SLC23A2: variants seen among roughly 807,000 people sequenced by gnomAD.
SLC23A2 encodes the protein solute carrier family 23 member 2.
A neutral mutation model predicts 73.3 loss-of-function variants in SLC23A2; 36 were observed. That is an observed-to-expected ratio of 0.49 (90% confidence interval 0.38 to 0.65). The LOEUF is 0.65. Among genes scored for constraint, SLC23A2 ranks in the 30% least tolerant of loss-of-function variants. The probability of loss-of-function intolerance (pLI) is 0.00; values close to 1 mark genes in which losing one functional copy is unlikely to be tolerated. For missense variants in SLC23A2, 507 were observed against 841.6 expected (o/e 0.60, Z 4.92); for synonymous variants, 343 against 327.3 (o/e 1.05, Z -0.52).
At chr20:4,858,902 C>A (rs1179708898) in intron 16 of SLC23A2, among the ~76,000 whole-genome samples, 2 of 152,108 alleles carry the variant, frequency 1.3e-5, no homozygotes, top group Non-Finnish European at 2.9e-5. Flanking sequence ...GGGACAGTCT[C>A]CCCAAGCAGA....
chr20:4,987,983 C>T (rs982218882), intron 1 of SLC23A2, among the ~76,000 whole-genome samples: 5 of 149,426 alleles, frequency 3.3e-5, no homozygotes, highest in Non-Finnish European at 5.9e-5. Context: ...TCTGCAAGTA[C>T]TCCACGATGC....
intron 9 of SLC23A2, among the ~76,000 whole-genome samples, chr20:4,880,166 G>A (rs185540646): frequency 2.6e-5 from 4 of 152,314 alleles, no homozygotes; most frequent in East Asian, 3.9e-4. Flanking sequence ...AGAATTTGCC[G>A]CTAAGATTGG....
At chr20:4,922,694 C>T (rs541227453) in intron 3 of SLC23A2, among the ~76,000 whole-genome samples, 23 of 152,054 alleles carry the variant, frequency 1.5e-4, no homozygotes, top group Non-Finnish European at 2.6e-4. Context: ...TGGGCATGGT[C>T]GTGCATGCCT....
In SLC23A2 at chr20:4,975,617, G is replaced by A. The variant is rs760627500; in HGVS notation, c.-281-4698C>T. Among the ~76,000 whole-genome samples the A allele has an allele frequency of 3.6e-4, 55 of 151,764 alleles. 1 individual carries two copies. Among genetic ancestry groups the A allele is most frequent in the Non-Finnish European group, 6.6e-4 (45 of 67,970 alleles). ...GCTGGTCTCAAACTCCTGACCTCAA[G>A]TGATCCACCTGTCTTGGCCTCCCAA... On this transcript the variant is annotated intron_variant, in intron 1 of 16. Transcript: ENST00000338244.
intron 1 of SLC23A2, among the ~76,000 whole-genome samples, chr20:5,000,139 C>T (rs546155817): frequency 6.6e-6 from 1 of 152,058 alleles, no homozygotes; most frequent in Non-Finnish European, 1.5e-5. Context: ...CCAACCATAA[C>T]CCAGCACAGA....
Position 4,902,310 on chromosome 20 carries a change from C to T in SLC23A2, c.324+132G>A. The T allele has an allele frequency of 1.7e-6, 1 of 582,520 alleles. No homozygotes were observed. Among genetic ancestry groups the T allele is most frequent in the Non-Finnish European group, 3.0e-6 (1 of 329,236 alleles). The allele number at this position is 582,520 out of a possible 1,614,324, so 36.1% of individuals were successfully genotyped here. A position where few individuals can be genotyped will look rare whatever the true frequency, so the allele number is the denominator to read the frequency against. On this transcript the variant is annotated intron_variant, in intron 5 of 16. Coordinates refer to ENST00000338244, the MANE Select transcript of SLC23A2 (RefSeq NM_005116.6). The surrounding 1 kb of genome is among the most constrained non-coding windows in gnomAD (Gnocchi z 4.0). ...TCAGCCACTGTGCTCAGCCCCTACTCATCACTCTTAAAAGAGGAATTTATA... is the reference window on the plus strand; with the variant it reads ...TCAGCCACTGTGCTCAGCCCCTACTTATCACTCTTAAAAGAGGAATTTATA...
intron 2 of SLC23A2, among the ~76,000 whole-genome samples, chr20:4,954,698 C>CAAAA (rs200579910): frequency 2.3e-3 from 122 of 52,760 alleles, no homozygotes; most frequent in Non-Finnish European, 3.6e-3. Flanking sequence ...GACTCCATCA[C>CAAAA]AAAAAAAAAA....
chr20:4,943,507 A>G (rs547281417), intron 2 of SLC23A2, among the ~76,000 whole-genome samples: 3 of 100,490 alleles, frequency 3.0e-5, no homozygotes, highest in African/African-American at 2.7e-4. Context: ...ATTTCTACCA[A>G]AAAAAAAAAA....
At chr20:4,974,830 T>C (rs1453765856) in intron 1 of SLC23A2, among the ~76,000 whole-genome samples, 2 of 152,172 alleles carry the variant, frequency 1.3e-5, no homozygotes, top group Non-Finnish European at 2.9e-5. Context: ...CTCTGTCACC[T>C]AGGCTGGAGT....
intron 2 of SLC23A2, among the ~76,000 whole-genome samples, chr20:4,970,445 A>G (rs1245888058): frequency 6.6e-6 from 1 of 152,220 alleles, no homozygotes; most frequent in African/African-American, 2.4e-5. Flanking sequence ...ACCATGAAGC[A>G]TAACTAGCCA....
chr20:4,895,757 C>T (rs938917405), intron 6 of SLC23A2, among the ~76,000 whole-genome samples: 1 of 152,198 alleles, frequency 6.6e-6, no homozygotes. Context: ...CTTGCAATGG[C>T]CATGCGTCCA....
At chr20:5,004,611 C>T (rs2088169317), upstream of SLC23A2, among the ~76,000 whole-genome samples, 1 of 152,070 alleles carries the variant, frequency 6.6e-6, no homozygotes, top group Non-Finnish European at 1.5e-5. Flanking sequence ...TTTGGGAGAC[C>T]AAGGCAGGAG....
intron 9 of SLC23A2, among the ~76,000 whole-genome samples, chr20:4,879,055 G>A (rs1396926624): frequency 6.6e-6 from 1 of 152,144 alleles, no homozygotes; most frequent in East Asian, 1.9e-4. Flanking sequence ...TCAAAAGGCA[G>A]GACTGATTTG....
At chr20:4,916,918 T>C (rs1932343941) in intron 3 of SLC23A2, among the ~76,000 whole-genome samples, 1 of 152,154 alleles carries the variant, frequency 6.6e-6, no homozygotes, top group Admixed American at 6.6e-5. Context: ...AAGCTATGAA[T>C]TGCCAGTAGG....
chr20:4,994,049 C>T (rs1478217773), intron 1 of SLC23A2, among the ~76,000 whole-genome samples: 2 of 152,152 alleles, frequency 1.3e-5, no homozygotes, highest in African/African-American at 4.8e-5. Context: ...AGAGATCTCA[C>T]CACTGCACTC....
intron 2 of SLC23A2, among the ~76,000 whole-genome samples, chr20:4,940,695 G>A (rs970992905): frequency 6.6e-6 from 1 of 152,132 alleles, no homozygotes; most frequent in Non-Finnish European, 1.5e-5. Context: ...CATAACACAG[G>A]GTGAACATCT....
At chr20:4,936,707 G>A (rs548208954) in intron 2 of SLC23A2, among the ~76,000 whole-genome samples, 8 of 152,268 alleles carry the variant, frequency 5.3e-5, no homozygotes, top group South Asian at 2.1e-4. Context: ...CGTCCCCAGC[G>A]CTAGGAACAC....
rs149945641 is a variant in SLC23A2 at position 4,987,571 on chromosome 20, G to A, written c.-282+13835C>T. On this transcript the variant is annotated intron_variant, in intron 1 of 16. Transcript: ENST00000338244. ...TCGCTAAAAAAAACACTATGTGGCC[G>A]GGCGCGGTGGCTCACGCCTATAATC... 0.012 allele frequency among the ~76,000 whole-genome samples: 1,879 copies of A among 152,272 alleles called. 55 individuals are homozygous for A. In the South Asian group the frequency reaches 0.14, roughly 11 times the overall value.
intron 2 of SLC23A2, among the ~76,000 whole-genome samples, chr20:4,967,123 T>C (rs545199709): frequency 9.4e-5 from 10 of 105,846 alleles, no homozygotes; most frequent in Non-Finnish European, 2.1e-4. Context: ...GTACAAGAAA[T>C]CTAAATAAAC....
Sources: allele counts gnomAD v4.1 joint callset (sites outside exome capture counted in the v4.1 genomes callset), GRCh38; gene constraint gnomAD v4.1.1; non-coding constraint Gnocchi (gnomAD v3.1); transcripts MANE v1.5; gene names NCBI Gene and HGNC (gene_info 2026-07-23, HGNC 2026-07-21).